Variants in CUEDC1 observed in about 807,000 individuals in gnomAD.
The protein encoded by CUEDC1 is CUE domain-containing protein 1.
In CUEDC1, 30 loss-of-function variants were observed where a neutral mutation model predicts 43.7. The observed-to-expected ratio is 0.69, with a 90% CI of 0.51 to 0.93. The LOEUF (loss-of-function observed/expected upper bound fraction) is 0.93. Ranked by LOEUF, CUEDC1 falls within the 40% of genes least tolerant of loss-of-function variation. CUEDC1 has a pLI of 0.00. For missense variants in CUEDC1, 486 were observed against 549.0 expected (o/e 0.89, Z 1.15); for synonymous variants, 223 against 223.6 (o/e 1.00, Z 0.02).
Position 57,869,174 on chromosome 17 carries a change from G to A in CUEDC1, c.888C>T (p.Pro296=), listed in dbSNP as rs766335129. Residue 296 remains proline (P), a synonymous_variant, in exon 7 of 11, where the codon CCC becomes CCT. Transcript: ENST00000577830. ...SPVPGTGDAN[P]AVSEDALFRD... is the part of the protein sequence containing the mutation. Reference sequence around the variant, plus strand: ...TGAATAAGGCATCTTCAGACACAGCGGGGTTGGCGTCGCCAGTTCCTGGAA... The same window carrying A: ...TGAATAAGGCATCTTCAGACACAGCAGGGTTGGCGTCGCCAGTTCCTGGAA... 4.2e-5 allele frequency: 67 copies of A among 1,613,902 alleles called. No individual in the cohort carries two copies. Among genetic ancestry groups the A allele is most frequent in the Middle Eastern group, 1.6e-4 (1 of 6,082 alleles).
At chr17:57,914,244 G>A (rs2074614585) in intron 1 of CUEDC1, among the ~76,000 whole-genome samples, 1 of 152,210 alleles carries the variant, frequency 6.6e-6, no homozygotes, top group Non-Finnish European at 1.5e-5. Context: ...TTTCAAAACT[G>A]TAGGAAAACT....
chr17:57,907,736 T>C (rs1264464982), intron 1 of CUEDC1, among the ~76,000 whole-genome samples: 1 of 146,534 alleles, frequency 6.8e-6, no homozygotes, highest in Non-Finnish European at 1.5e-5. Context: ...ATCCCAGCTA[T>C]TCAGGAGGCT....
At chr17:57,879,481 T>C (rs767485776) in intron 3 of CUEDC1, 130 bp downstream of exon 3, 13 of 1,240,334 alleles carry the variant, frequency 1.0e-5, no homozygotes, top group Non-Finnish European at 1.4e-5. Flanking sequence ...AAATGTCTCT[T>C]GCTGCAGTAG....
chr17:57,949,157 ACTCAG>A (rs1367721819), intron 1 of CUEDC1, among the ~76,000 whole-genome samples: 1 of 152,070 alleles, frequency 6.6e-6, no homozygotes, highest in African/African-American at 2.4e-5. Flanking sequence ...TCTTGTCCTC[ACTCAG>A]CTCAAGCGGC....
chr17:57,948,114 G>A (rs1447076646), intron 1 of CUEDC1, among the ~76,000 whole-genome samples: 2 of 152,166 alleles, frequency 1.3e-5, no homozygotes, highest in South Asian at 4.1e-4. Context: ...TTAAGTCTTG[G>A]ATTATCTGTT....
intron 1 of CUEDC1, among the ~76,000 whole-genome samples, chr17:57,923,829 T>A (rs541211365): frequency 2.0e-5 from 3 of 152,324 alleles, no homozygotes; most frequent in African/African-American, 7.2e-5. Context: ...ACATAAATAT[T>A]TTCATTTGAA....
At chr17:57,915,076 GGT>G (rs1284399781) in intron 1 of CUEDC1, 1 of 152,062 alleles carries the variant, frequency 6.6e-6, no homozygotes, top group East Asian at 1.9e-4. Flanking sequence ...TCAAAACCTG[GGT>G]GTGTTTGGCC....
chr17:57,879,442 T>G (rs1473887562), intron 3 of CUEDC1, among the ~76,000 whole-genome samples, 169 bp downstream of exon 3: 4 of 152,228 alleles, frequency 2.6e-5, no homozygotes, highest in African/African-American at 9.7e-5. Context: ...AATCCTTACA[T>G]TTTGCAAGTT....
At chr17:57,871,486 C>T in intron 5 of CUEDC1, 117 bp from the exon 6 acceptor site, 1 of 748,892 alleles carries the variant, frequency 1.3e-6, no homozygotes. Context: ...CACATGAGCA[C>T]ACACGGGCAC....
At chr17:57,934,282 C>T (rs1485764867) in intron 1 of CUEDC1, among the ~76,000 whole-genome samples, 1 of 152,070 alleles carries the variant, frequency 6.6e-6, no homozygotes, top group Non-Finnish European at 1.5e-5. Context: ...GTCCCAGCTA[C>T]TCGGGAGGCT....
chr17:57,887,460 T>A (rs1432260822), intron 1 of CUEDC1, among the ~76,000 whole-genome samples: 2 of 151,982 alleles, frequency 1.3e-5, no homozygotes, highest in African/African-American at 4.8e-5. Flanking sequence ...TTTTCACTTT[T>A]CTAGGACTTG....
intron 4 of CUEDC1, 45 bp downstream of exon 4, chr17:57,873,546 C>A (rs374596459): frequency 1.2e-5 from 18 of 1,501,956 alleles, no homozygotes; most frequent in East Asian, 2.5e-5. Flanking sequence ...AAGAGAGATG[C>A]TGGACAAGCA....
intron 1 of CUEDC1, chr17:57,912,415 T>G (rs2143063797): frequency 6.6e-6 from 1 of 152,320 alleles, no homozygotes; most frequent in Admixed American, 6.5e-5. Flanking sequence ...GGTAAATGTC[T>G]GAGGAACAGA....
At chr17:57,874,134 C>T (rs370280563) in intron 3 of CUEDC1, among the ~76,000 whole-genome samples, 4 of 152,208 alleles carry the variant, frequency 2.6e-5, no homozygotes, top group African/African-American at 9.6e-5. Context: ...GGAACAGACA[C>T]ATAAGCCACC....
chr17:57,903,937 CAA>C (rs34746551), intron 1 of CUEDC1, among the ~76,000 whole-genome samples: 3 of 139,090 alleles, frequency 2.2e-5, no homozygotes, highest in South Asian at 2.2e-4. Flanking sequence ...GACCGTGTTT[CAA>C]AAAAAAAAAA....
At chr17:57,867,159 C>T (rs1478838046) in intron 9 of CUEDC1, 198 bp downstream of exon 9, 2 of 618,196 alleles carry the variant, frequency 3.2e-6, no homozygotes, top group East Asian at 5.5e-5. Flanking sequence ...GGCTAGGGCC[C>T]CTTTTCAGGG....
chr17:57,945,811 G>T (rs1004678496), intron 1 of CUEDC1, among the ~76,000 whole-genome samples: 2 of 152,074 alleles, frequency 1.3e-5, no homozygotes, highest in Non-Finnish European at 2.9e-5. Context: ...GTTGAGGTCA[G>T]GAGTTCAAGA....
intron 1 of CUEDC1, among the ~76,000 whole-genome samples, chr17:57,935,584 G>A (rs904793249): frequency 3.3e-5 from 5 of 151,710 alleles, no homozygotes; most frequent in African/African-American, 7.3e-5. Flanking sequence ...CCCCATCCCC[G>A]CTGCCCTCCC....
Position 57,867,397 on chromosome 17 carries a change from T to C in CUEDC1, c.1053A>G (p.Ser351=). ...CCACATCATCCAGGAGGTTGGCTGTTGACGCGGCAGCCCCCAGCCTGCCAG... is the reference window on the plus strand; with the variant it reads ...CCACATCATCCAGGAGGTTGGCTGTCGACGCGGCAGCCCCCAGCCTGCCAG... ...LKHQSLGAAA[S]TANLLDDVEG... The change falls in exon 9 of 11, where the codon TCA becomes TCG. Residue 351 remains serine (S), a synonymous_variant. Transcript: ENST00000577830. The C allele has an allele frequency of 1.3e-6, 2 of 1,552,554 alleles. No homozygotes were observed. The highest frequency in any genetic ancestry group is 1.7e-6 in the Non-Finnish European group (2 of 1,147,418).
Sources: gnomAD v4.1 joint callset for allele counts (sites outside exome capture counted in the v4.1 genomes callset) on GRCh38, gnomAD v4.1.1 for gene constraint, MANE v1.5 for transcripts, NCBI Gene and HGNC (gene_info 2026-07-23, HGNC 2026-07-21) for gene names.